Variants in DIAPH2 observed in about 807,000 individuals in gnomAD.
DIAPH2 encodes protein diaphanous homolog 2.
Under a neutral mutation model 92.7 loss-of-function variants are expected in DIAPH2, and 35 were observed. That is an observed-to-expected ratio of 0.38 (90% CI 0.29 to 0.50). DIAPH2 has a LOEUF of 0.50. Ranked by LOEUF, DIAPH2 falls within the 20% of genes least tolerant of loss-of-function variation. The pLI, the probability that DIAPH2 is intolerant of heterozygous loss-of-function variation, is 0.94. For synonymous variants in DIAPH2, 301 were observed against 280.4 expected, an observed-to-expected ratio of 1.07 and a Z score of -0.73; for missense variants, 701 against 819.5, an observed-to-expected ratio of 0.86 and a Z score of 1.77.
At chrX:97,258,696 C>T (rs1283833093) in intron 23 of DIAPH2, among the ~76,000 whole-genome samples, 14 of 106,437 alleles carry the variant, frequency 1.3e-4, no homozygotes, top group Non-Finnish European at 2.5e-4. Flanking sequence ...AGTGAAACCC[C>T]GTCTATACTA....
rs926959624 is a variant in DIAPH2, at chrX:97,286,153, G to T, written c.2844+38314G>T. Among the ~76,000 whole-genome samples the T allele has an allele frequency of 1.2e-4, 13 of 104,881 alleles. No individual in the cohort carries two copies. In the Admixed American group the frequency reaches 1.3e-3, roughly 10 times the overall value. 91.1% of individuals were successfully genotyped at this position (104,881 alleles called of 115,157 possible). ...CCTCCCGGGTTCAAGCAATTCTCCC[G>T]CCTCAGCCTCCCAAGTAGGATTACA... On this transcript the variant is annotated intron_variant, in intron 23 of 26. Coordinates refer to ENST00000324765, the MANE Select transcript of DIAPH2 (RefSeq NM_006729.5).
At chrX:97,187,688 T>C (rs1036064949) in intron 22 of DIAPH2, among the ~76,000 whole-genome samples, 1 of 110,980 alleles carries the variant, frequency 9.0e-6, no homozygotes, top group Non-Finnish European at 1.9e-5. Context: ...TGATAAAATA[T>C]AAGAGACTGG....
At chrX:96,912,871 G>T (rs1004737006) in intron 7 of DIAPH2, among the ~76,000 whole-genome samples, 2 of 110,874 alleles carry the variant, frequency 1.8e-5, no homozygotes, top group African/African-American at 6.5e-5. Flanking sequence ...AAGTTTTACA[G>T]TGAGGTTAAA....
At chrX:97,405,761 T>C (rs2069803670) in intron 25 of DIAPH2, among the ~76,000 whole-genome samples, 2 of 111,663 alleles carry the variant, frequency 1.8e-5, no homozygotes, top group South Asian at 7.5e-4. Context: ...GCCATTTGAC[T>C]GTTTTTTGCC....
chrX:97,050,328 T>C (rs1283835228), intron 17 of DIAPH2, among the ~76,000 whole-genome samples: 2 of 110,443 alleles, frequency 1.8e-5, no homozygotes, highest in Non-Finnish European at 3.8e-5. Flanking sequence ...ATAAGTGCTG[T>C]TTTTTGAGTC....
rs188433278 is a variant in DIAPH2 at position 96,779,743 on chromosome X, A to C, written c.447+21485A>C. Among the ~76,000 whole-genome samples, 21 of 112,018 alleles carry C rather than the reference A, an allele frequency of 1.9e-4. No individual in the cohort carries two copies. The Admixed American group carries it at 2.0e-3, about 11-fold the overall frequency. On this transcript the variant is annotated intron_variant, in intron 4 of 26. Coordinates refer to ENST00000324765, the MANE Select transcript of DIAPH2 (RefSeq NM_006729.5). Reference sequence around the variant, plus strand: ...ACCTACAAATGTGTTTTCTAAAAACAAAAAAATTATGGTGTTTACATATAG... The same window carrying C: ...ACCTACAAATGTGTTTTCTAAAAACCAAAAAATTATGGTGTTTACATATAG...
rs780356830 is a variant in DIAPH2, at chrX:96,704,220, G to T, written c.132+19030G>T. ...AAAAAGATATAGGTCTTTAGGACAT[G>T]AATCATCTTTTGGTAGACTACTTTC... On this transcript the variant is annotated intron_variant, in intron 1 of 26. Transcript: ENST00000324765. 3.6e-5 allele frequency among the ~76,000 whole-genome samples: 4 copies of T among 112,359 alleles called. No individual in the cohort carries two copies. In the South Asian group the frequency reaches 1.5e-3, roughly 42 times the overall value.
chrX:97,245,127 T>C (rs867807003), intron 22 of DIAPH2, among the ~76,000 whole-genome samples: 1 of 97,914 alleles, frequency 1.0e-5, no homozygotes, highest in Non-Finnish European at 2.1e-5. Context: ...TGTTTGTTTG[T>C]TTGCTTTTGT....
intron 17 of DIAPH2, among the ~76,000 whole-genome samples, chrX:96,975,369 A>G (rs924867703): frequency 2.2e-4 from 25 of 111,925 alleles, no homozygotes; most frequent in African/African-American, 6.5e-4. Flanking sequence ...CCTTCATAAT[A>G]TAGAAATTCT....
At chrX:97,490,223 T>A (rs894513388) in intron 26 of DIAPH2, among the ~76,000 whole-genome samples, 1 of 111,220 alleles carries the variant, frequency 9.0e-6, no homozygotes, top group African/African-American at 3.3e-5. Context: ...TAGTAGTCTC[T>A]TCTGATCCTG....
chrX:97,368,773 TTAAG>T (rs1486773550), intron 24 of DIAPH2, among the ~76,000 whole-genome samples: 2 of 111,716 alleles, frequency 1.8e-5, no homozygotes, highest in African/African-American at 6.5e-5. Context: ...ATTGTCTTCA[TTAAG>T]TAAGAAATAG....
At chrX:97,236,498 AG>A (rs2147533268) in intron 22 of DIAPH2, among the ~76,000 whole-genome samples, 1 of 110,062 alleles carries the variant, frequency 9.1e-6, no homozygotes, top group African/African-American at 3.3e-5. Context: ...ACCAGAAGTA[AG>A]GGTATATATT....
intron 9 of DIAPH2, among the ~76,000 whole-genome samples, chrX:96,927,809 T>G: frequency 9.0e-6 from 1 of 110,829 alleles, no homozygotes; most frequent in African/African-American, 3.3e-5. Flanking sequence ...CCATTTATAC[T>G]TTACTGCTCA....
At chrX:97,111,294 A>G (rs977160778) in intron 20 of DIAPH2, among the ~76,000 whole-genome samples, 8 of 112,443 alleles carry the variant, frequency 7.1e-5, no homozygotes, top group Non-Finnish European at 1.1e-4. Context: ...TCACACAGTC[A>G]GCTCACATGA....
intron 23 of DIAPH2, among the ~76,000 whole-genome samples, chrX:97,268,087 A>G (rs987103641): frequency 8.9e-6 from 1 of 112,218 alleles, no homozygotes; most frequent in African/African-American, 3.2e-5. Context: ...GCAATTTACC[A>G]TAATCAAAGA....
intron 17 of DIAPH2, among the ~76,000 whole-genome samples, chrX:97,002,518 A>C: frequency 9.0e-6 from 1 of 111,630 alleles, no homozygotes; most frequent in Non-Finnish European, 1.9e-5. Context: ...GTCAAGATCT[A>C]AGTATGTTTC....
At chrX:97,238,789 A>G (rs2147536601) in intron 22 of DIAPH2, among the ~76,000 whole-genome samples, 1 of 111,947 alleles carries the variant, frequency 8.9e-6, no homozygotes, top group South Asian at 3.7e-4. Context: ...CACTTGAGAA[A>G]GAATGCAACA....
At chrX:97,525,482 C>T (rs764385808) in intron 26 of DIAPH2, among the ~76,000 whole-genome samples, 14 of 112,288 alleles carry the variant, frequency 1.2e-4, no homozygotes, top group Non-Finnish European at 2.4e-4. Flanking sequence ...AATTCCCACA[C>T]TGCTTTGTCT....
intron 25 of DIAPH2, among the ~76,000 whole-genome samples, chrX:97,415,907 A>C (rs903965975): frequency 9.0e-6 from 1 of 111,652 alleles, no homozygotes; most frequent in African/African-American, 3.3e-5. Flanking sequence ...ATGGACAGGA[A>C]CTAGAAGCTT....
Sources: allele counts gnomAD v4.1 joint callset (sites outside exome capture counted in the v4.1 genomes callset), GRCh38; gene constraint gnomAD v4.1.1; transcripts MANE v1.5; gene names NCBI Gene and HGNC (gene_info 2026-07-23, HGNC 2026-07-21).